DIS3L2: variants seen among roughly 807,000 people sequenced by gnomAD.
DIS3L2 encodes DIS3 like 3'-5' exoribonuclease 2.
Under a neutral mutation model 97.5 loss-of-function variants are expected in DIS3L2, and 34 were observed. The observed-to-expected ratio is 0.35, with a 90% CI of 0.27 to 0.46. DIS3L2 has a LOEUF of 0.46. DIS3L2 is among the 20% of genes least tolerant of loss of function. DIS3L2 has a pLI of 1.00. For missense variants in DIS3L2, 1,038 were observed against 1,146.0 expected (o/e 0.91, Z 1.36); for synonymous variants, 435 against 445.2 (o/e 0.98, Z 0.29).
rs1695885820 is a variant in DIS3L2, at chr2:232,334,753, G to C, written c.2394+18G>C. ...ACTGCAACGTGAGTGCCCTGGGAGA[G>C]CCCGGGGGCGGGCAGGGCAGCCCAA... On this transcript the variant is annotated intron_variant, in intron 19 of 20. Transcript: ENST00000325385. The C allele has an allele frequency of 1.9e-6, 3 of 1,582,142 alleles. No individual in the cohort carries two copies. The highest frequency in any genetic ancestry group is 2.6e-6 in the Non-Finnish European group (3 of 1,165,286).
At chr2:232,085,357 A>G (rs1346907872) in intron 5 of DIS3L2, among the ~76,000 whole-genome samples, 1 of 152,158 alleles carries the variant, frequency 6.6e-6, no homozygotes, top group Non-Finnish European at 1.5e-5. Flanking sequence ...GGGACTCCAT[A>G]ATGACTTGTT....
chr2:232,208,146 A>G (rs1692082075), intron 9 of DIS3L2, among the ~76,000 whole-genome samples: 1 of 152,206 alleles, frequency 6.6e-6, no homozygotes. Flanking sequence ...ATTTTAAGAC[A>G]TGCATAGATT....
At chr2:232,048,758 C>G (rs1052981637) in intron 5 of DIS3L2, among the ~76,000 whole-genome samples, 1 of 151,680 alleles carries the variant, frequency 6.6e-6, no homozygotes, top group Non-Finnish European at 1.5e-5. Flanking sequence ...TGTATATGCC[C>G]GAAATATGTT....
At chr2:232,100,744 C>T (rs1039521098) in intron 6 of DIS3L2, among the ~76,000 whole-genome samples, 1 of 150,990 alleles carries the variant, frequency 6.6e-6, no homozygotes, top group Non-Finnish European at 1.5e-5. Context: ...ATGGATAGTT[C>T]CATTATAGTT....
chr2:232,076,057 C>T (rs982283340), intron 5 of DIS3L2, among the ~76,000 whole-genome samples: 3 of 152,204 alleles, frequency 2.0e-5, no homozygotes, highest in African/African-American at 7.2e-5. Flanking sequence ...CTCTGAATCA[C>T]TCCACTCTGC....
At chr2:231,999,527 T>C (rs973494398) in intron 1 of DIS3L2, among the ~76,000 whole-genome samples, 2 of 152,234 alleles carry the variant, frequency 1.3e-5, no homozygotes, top group Non-Finnish European at 1.5e-5. Flanking sequence ...TTTCCACTTT[T>C]CCATATTTGT....
chr2:232,329,785 T>TGCCGGGGGGGGGGGCCCC, intron 14 of DIS3L2, 28 bp from the exon 15 acceptor site: 3 of 967,144 alleles, frequency 3.1e-6, no homozygotes, highest in Non-Finnish European at 4.4e-6. Flanking sequence ...ACCCCAGCGG[T>TGCCGGGGGGGGGGGCCCC]CCCTCCCATC....
intron 12 of DIS3L2, among the ~76,000 whole-genome samples, chr2:232,259,311 AAGG>A (rs1020389746): frequency 1.1e-4 from 16 of 152,266 alleles, no homozygotes; most frequent in African/African-American, 3.8e-4. Context: ...GAAAAAAAAA[AAGG>A]AGCTCAAATG....
In DIS3L2 at chr2:232,137,654, T is replaced by G. The variant is rs913180732; in HGVS notation, c.950+935T>G. 2.6e-5 allele frequency among the ~76,000 whole-genome samples: 4 copies of G among 152,218 alleles called. No individual in the cohort carries two copies. In the South Asian group the frequency reaches 8.3e-4, roughly 32 times the overall value. The stretch of plus-strand genomic sequence containing the variant: ...GGTTTATTCTATACTTAGCTTCTTA[T>G]GCCTAGCAAAATAAGCCAAATCAAA... On this transcript the variant is annotated intron_variant, in intron 8 of 20. Coordinates refer to ENST00000325385, the MANE Select transcript of DIS3L2 (RefSeq NM_152383.5).
intron 11 of DIS3L2, 75 bp from the exon 12 acceptor site, chr2:232,249,164 A>G (rs1693347443): frequency 6.9e-7 from 1 of 1,443,054 alleles, no homozygotes; most frequent in Non-Finnish European, 9.6e-7. Context: ...GAAGCTGTTC[A>G]CCAAAACTCT....
chr2:232,031,538 A>G (rs1314779819), intron 5 of DIS3L2, among the ~76,000 whole-genome samples: 1 of 149,292 alleles, frequency 6.7e-6, no homozygotes, highest in African/African-American at 2.5e-5. Context: ...TCTGGGATAC[A>G]TGTGCCGAAT....
In DIS3L2 at chr2:232,304,055, C is replaced by G. The variant is rs11683544; in HGVS notation, c.1739+3936C>G. Among the ~76,000 whole-genome samples, 376 of 152,192 alleles carry G rather than the reference C, an allele frequency of 2.5e-3. 1 individual carries two copies. Among genetic ancestry groups the G allele is most frequent in the Non-Finnish European group, 4.4e-3 (298 of 67,988 alleles). ...GGGTTCAACTAGTAAAGCTCTCCACCCTGAATTATTCTGTCAGCCTCCCAA... is the reference window on the plus strand; with the variant it reads ...GGGTTCAACTAGTAAAGCTCTCCACGCTGAATTATTCTGTCAGCCTCCCAA... On this transcript the variant is annotated intron_variant, in intron 14 of 20. Transcript: ENST00000325385.
At chr2:232,248,515 T>G (rs550921343) in intron 11 of DIS3L2, among the ~76,000 whole-genome samples, 1 of 152,272 alleles carries the variant, frequency 6.6e-6, no homozygotes, top group African/African-American at 2.4e-5. Context: ...ACAAGTAATA[T>G]TTTGGGACAA....
chr2:232,220,220 G>A (rs981313468), intron 10 of DIS3L2, among the ~76,000 whole-genome samples: 4 of 152,066 alleles, frequency 2.6e-5, no homozygotes, highest in African/African-American at 9.7e-5. Flanking sequence ...GAGGTGGGAA[G>A]ACCACTTGAG....
Position 232,187,719 on chromosome 2 carries a change from G to A in DIS3L2, c.1125-22607G>A, listed in dbSNP as rs140652636. Among the ~76,000 whole-genome samples, 684 of 152,204 alleles carry A rather than the reference G, an allele frequency of 4.5e-3. 9 individuals are homozygous for A. The highest frequency in any genetic ancestry group is 0.016 in the African/African-American group (653 of 41,520). On this transcript the variant is annotated intron_variant, in intron 9 of 20. Coordinates refer to ENST00000325385, the MANE Select transcript of DIS3L2 (RefSeq NM_152383.5). ...GCCTCCCAAAGTGCTAGGATTACAG[G>A]CGTGAGCCACTGTGCCTGAATGTTT...
rs555244063 is a variant in DIS3L2 at position 231,993,763 on chromosome 2, ATT to A, written c.-93-21057_-93-21056del. Reference sequence around the variant, plus strand: ...AAACAGGAGCTCATATTCCAACTGCATTTTTTTTTTTTTTTTGGTCTTCTTAG... The same window carrying A: ...AAACAGGAGCTCATATTCCAACTGCATTTTTTTTTTTTTTGGTCTTCTTAG... On this transcript the variant is annotated intron_variant, in intron 1 of 20. Coordinates refer to ENST00000325385, the MANE Select transcript of DIS3L2 (RefSeq NM_152383.5). Among the ~76,000 whole-genome samples the A allele has an allele frequency of 1.3e-3, 172 of 135,504 alleles. 1 individual carries two copies. Among genetic ancestry groups the A allele is most frequent in the African/African-American group, 3.5e-3 (132 of 37,814 alleles). 88.9% of individuals were successfully genotyped at this position (135,504 alleles called of 152,430 possible).
chr2:232,263,086 C>T (rs1355458191), intron 12 of DIS3L2, 121 bp from the exon 13 acceptor site: 6 of 1,043,244 alleles, frequency 5.8e-6, no homozygotes, highest in East Asian at 5.2e-5. Context: ...GCCACCATTC[C>T]GAGCACACAG....
chr2:232,324,279 G>A (rs1182647719), intron 14 of DIS3L2, among the ~76,000 whole-genome samples: 6 of 152,214 alleles, frequency 3.9e-5, no homozygotes, highest in Non-Finnish European at 8.8e-5. Context: ...GAAGAAATGA[G>A]GCTGAAATTG....
At position 232,334,493 on chromosome 2, in the gene DIS3L2, G is replaced by C; in HGVS notation, c.2283G>C (p.Leu761=). ...ELSTSLFFAV[L]VKESGPLESE... ...GTACCAGTCTCTTCTTTGCTGTTCTGGTCAAGGTGAGCCCTCCAGCCTGGT... is the reference window on the plus strand; with the variant it reads ...GTACCAGTCTCTTCTTTGCTGTTCTCGTCAAGGTGAGCCCTCCAGCCTGGT... The change falls in exon 18 of 21, where the codon CTG becomes CTC. Residue 761 remains leucine, a synonymous_variant. Coordinates refer to ENST00000325385, the MANE Select transcript of DIS3L2 (RefSeq NM_152383.5). 2.5e-6 allele frequency: 4 copies of C among 1,613,832 alleles called. No homozygotes were observed. Among genetic ancestry groups the C allele is most frequent in the Non-Finnish European group, 3.4e-6 (4 of 1,179,948 alleles).
Sources: allele counts gnomAD v4.1 joint callset (sites outside exome capture counted in the v4.1 genomes callset), GRCh38; gene constraint gnomAD v4.1.1; transcripts MANE v1.5; gene names NCBI Gene and HGNC (gene_info 2026-07-23, HGNC 2026-07-21).